Variants in MED25 observed in about 807,000 individuals in gnomAD.
MED25 encodes mediator of RNA polymerase II transcription subunit 25.
MED25 carries 62 observed loss-of-function variants against 89.4 expected under a neutral mutation model. The ratio of observed to expected loss-of-function variants is 0.69; its 90% CI spans 0.57 to 0.86. The LOEUF (loss-of-function observed/expected upper bound fraction) is 0.86, where lower values mean the gene tolerates loss of function less well. Ranked by LOEUF, MED25 falls within the 40% of genes least tolerant of loss-of-function variation. The pLI is 0.00. For synonymous variants in MED25, 449 were observed against 427.9 expected, an observed-to-expected ratio of 1.05 and a Z score of -0.61; for missense variants, 905 against 1,005.2, an observed-to-expected ratio of 0.90 and a Z score of 1.35.
In MED25 at chr19:49,818,741, G is replaced by T. The variant is rs1188846865; in HGVS notation, c.180+125G>T. 11 of 964,960 alleles carry T rather than the reference G, an allele frequency of 1.1e-5. No homozygotes were observed. In the Middle Eastern group the frequency reaches 1.2e-3, roughly 102 times the overall value. 59.8% of individuals were successfully genotyped at this position (964,960 alleles called of 1,614,324 possible). A position where few individuals can be genotyped will look rare whatever the true frequency, so the allele number is the denominator to read the frequency against. ...TGAGGGAGGAGGGGCTGGGGGTCTGGACTCCTTGTTCTGAGGGAGGAGGGC... is the reference window on the plus strand; with the variant it reads ...TGAGGGAGGAGGGGCTGGGGGTCTGTACTCCTTGTTCTGAGGGAGGAGGGC... On this transcript the variant is annotated intron_variant, in intron 2 of 17. Transcript: ENST00000312865.
chr19:49,839,629 G>C (rs961628545), downstream of MED25: 1 of 152,204 alleles, frequency 6.6e-6, no homozygotes, highest in African/African-American at 2.4e-5. Flanking sequence ...GGTTATGACC[G>C]TTCTGAACAC....
Position 49,835,911 on chromosome 19 carries a change from C to T in MED25, c.1931C>T (p.Pro644Leu). The T allele has an allele frequency of 1.2e-6, 2 of 1,612,922 alleles. No individual in the cohort carries two copies. The highest frequency in any genetic ancestry group is 4.5e-5 in the East Asian group (2 of 44,852). The change falls in exon 16 of 18, where the codon CCT becomes CTT. Residue 644 changes from proline to leucine, a missense_variant. Transcript: ENST00000312865. This position sits in a 1 kb window ranked among gnomAD's most constrained non-coding sequence, Gnocchi z 6.2. Reference sequence around the variant, plus strand: ...CGGCCCCAGAACCCTGGGGCCAACCCTCAGCTGCGAAGCCTCCTCCTCAAC... The same window carrying T: ...CGGCCCCAGAACCCTGGGGCCAACCTTCAGCTGCGAAGCCTCCTCCTCAAC... ...ILRPQNPGAN[P>L]QLRSLLLNPP...
rs765842852 is a variant in MED25 at position 49,830,268 on chromosome 19, C to T, written c.819+50C>T. The T allele has an allele frequency of 1.3e-6, 2 of 1,582,524 alleles. No individual in the cohort carries two copies. Among genetic ancestry groups the T allele is most frequent in the South Asian group, 1.1e-5 (1 of 90,080 alleles). On this transcript the variant is annotated intron_variant, in intron 7 of 17. Transcript: ENST00000312865. This position sits in a 1 kb window ranked among gnomAD's most constrained non-coding sequence, Gnocchi z 4.6. The stretch of plus-strand genomic sequence containing the variant: ...ATGCTTCTGGGGACTTGCTGGAGCC[C>T]TGGCCCCTGGGGAGAAATCTAGTTG...
At chr19:49,826,447 C>CA (rs1437018816) in intron 3 of MED25, among the ~76,000 whole-genome samples, 3 of 152,190 alleles carry the variant, frequency 2.0e-5, no homozygotes, top group Non-Finnish European at 4.4e-5. Flanking sequence ...CTCAGGGGCT[C>CA]AGTGTGCTCA....
Position 49,830,685 on chromosome 19 carries a change from C to T in MED25, c.908-9C>T. ...TGTTCCCCACTTCTTCCCTTGGTCT[C>T]TCCCACAGTCTCGCCCATCACCCCT... On this transcript the variant is annotated splice_polypyrimidine_tract_variant and intron_variant, in intron 8 of 17. Coordinates refer to ENST00000312865, the MANE Select transcript of MED25 (RefSeq NM_030973.4). The surrounding 1 kb of genome is among the most constrained non-coding windows in gnomAD (Gnocchi z 4.6). 1.9e-6 allele frequency: 3 copies of T among 1,613,974 alleles called. No individual in the cohort carries two copies. Among genetic ancestry groups the T allele is most frequent in the Non-Finnish European group, 2.5e-6 (3 of 1,179,862 alleles).
downstream of MED25, chr19:49,839,566 G>T (rs1209227463): frequency 2.0e-5 from 3 of 152,192 alleles, no homozygotes; most frequent in Non-Finnish European, 4.4e-5. Context: ...TTTAAATCAG[G>T]CAAAAGCCAC....
At position 49,829,093 on chromosome 19, in the gene MED25, G is replaced by A; in HGVS notation, c.525+3G>A. 3.7e-6 allele frequency: 6 copies of A among 1,613,302 alleles called. No homozygotes were observed. The highest frequency in any genetic ancestry group is 5.1e-6 in the Non-Finnish European group (6 of 1,179,606). On this transcript the variant is annotated splice_donor_region_variant and intron_variant, in intron 5 of 17. Coordinates refer to ENST00000312865, the MANE Select transcript of MED25 (RefSeq NM_030973.4). This position sits in a 1 kb window ranked among gnomAD's most constrained non-coding sequence, Gnocchi z 4.6. The stretch of plus-strand genomic sequence containing the variant: ...ATCTTGTGCAGCAGATTGGGGAGGT[G>A]AGGACTCCAGGGTCTGAGGGACGAG...
At chr19:49,821,816 CAAA>C (rs35798804) in intron 3 of MED25, among the ~76,000 whole-genome samples, 8 of 84,118 alleles carry the variant, frequency 9.5e-5, no homozygotes, top group Non-Finnish European at 1.9e-4. Flanking sequence ...AATTCTGTCT[CAAA>C]AAAAAAAAAA....
At position 49,830,930 on chromosome 19, in the gene MED25, T is replaced by C. The variant is rs2074052253; in HGVS notation, c.1101+43T>C. 3 of 1,549,594 alleles carry C rather than the reference T, an allele frequency of 1.9e-6. No individual in the cohort carries two copies. Among genetic ancestry groups the C allele is most frequent in the Non-Finnish European group, 2.6e-6 (3 of 1,135,308 alleles). ...TCCTGCCCCTGCTCCTTCCTCCTGC[T>C]GTCCACAGCTAGGACAGTTAGAGGA... On this transcript the variant is annotated intron_variant, in intron 9 of 17. Coordinates refer to ENST00000312865, the MANE Select transcript of MED25 (RefSeq NM_030973.4). The surrounding 1 kb of genome is among the most constrained non-coding windows in gnomAD (Gnocchi z 4.6).
At position 49,819,290 on chromosome 19, in the gene MED25, G is replaced by A. The variant is rs771614475; in HGVS notation, c.299G>A (p.Gly100Asp). 6 of 1,614,030 alleles carry A rather than the reference G, an allele frequency of 3.7e-6. No homozygotes were observed. Among genetic ancestry groups the A allele is most frequent in the East Asian group, 2.2e-5 (1 of 44,896 alleles). The change falls in exon 3 of 18, where the codon GGC becomes GAC. Residue 100 changes from glycine (G) to aspartate (D), a missense_variant. Around this residue, in one of 3 missense-constraint regions of MED25, gnomAD observed 501 missense variants for 526.9 expected, o/e 0.95. Transcript: ENST00000312865. ...TATGAGTTTGTCACCTGGCTCGATG[G>A]CATTAAGTGAGCTTTCCCCCACTTG... Reference protein sequence around the residue: ...SAYEFVTWLDGIKFMGGGGES... With the variant: ...SAYEFVTWLDDIKFMGGGGES...
chr19:49,818,912 G>A (rs1022822859), intron 2 of MED25: 1 of 568,502 alleles, frequency 1.8e-6, no homozygotes, highest in Non-Finnish European at 3.1e-6. Flanking sequence ...GAGAAAGGAG[G>A]AGCTGAGGCC....
In MED25 at chr19:49,835,989, C is replaced by T; in HGVS notation, c.1965+44C>T. 1 of 1,603,440 alleles carries T rather than the reference C, an allele frequency of 6.2e-7. No homozygotes were observed. The highest frequency in any genetic ancestry group is 8.5e-7 in the Non-Finnish European group (1 of 1,176,116). ...GTAGCGAGAGTTCCAGATCCTGGCC[C>T]TGGTGGTTCTGGTCCTGTTGTCTGG... On this transcript the variant is annotated intron_variant, in intron 16 of 17. Coordinates refer to ENST00000312865, the MANE Select transcript of MED25 (RefSeq NM_030973.4). The surrounding 1 kb of genome is among the most constrained non-coding windows in gnomAD (Gnocchi z 6.2).
chr19:49,827,107 A>G (rs1260239363), intron 3 of MED25, among the ~76,000 whole-genome samples: 1 of 152,148 alleles, frequency 6.6e-6, no homozygotes, highest in Non-Finnish European at 1.5e-5. Context: ...ACCACACTTC[A>G]GGGGGACAGG....
At chr19:49,824,271 T>G (rs2074001124) in intron 3 of MED25, among the ~76,000 whole-genome samples, 1 of 152,158 alleles carries the variant, frequency 6.6e-6, no homozygotes, top group African/African-American at 2.4e-5. Flanking sequence ...CTCCTCTGCC[T>G]CCATGACCTG....
rs1290096374 is a variant in MED25 at position 49,835,803 on chromosome 19, A to C, written c.1823A>C (p.Gln608Pro). 1.2e-6 allele frequency: 2 copies of C among 1,606,960 alleles called. No individual in the cohort carries two copies. Among genetic ancestry groups the C allele is most frequent in the African/African-American group, 2.7e-5 (2 of 74,608 alleles). Residue 608 changes from glutamine to proline, a missense_variant, in exon 16 of 18, where the codon CAA becomes CCA. Gln to Pro is a moderately conservative substitution (Grantham distance 76). Transcript: ENST00000312865. The surrounding 1 kb of genome is among the most constrained non-coding windows in gnomAD (Gnocchi z 6.2). ...GGGGCCACGGGGCAGCCCCAGCCCCAAGGTACTGCCCAGCCCCCGCCAGGT... is the reference window on the plus strand; with the variant it reads ...GGGGCCACGGGGCAGCCCCAGCCCCCAGGTACTGCCCAGCCCCCGCCAGGT... ...ASGATGQPQP[Q>P]GTAQPPPGAP...
At chr19:49,823,721 T>C (rs1460734415) in intron 3 of MED25, among the ~76,000 whole-genome samples, 2 of 152,114 alleles carry the variant, frequency 1.3e-5, no homozygotes, top group African/African-American at 4.8e-5. Flanking sequence ...GCAGGACATA[T>C]AGTGAAAAGG....
At chr19:49,839,803 C>G (rs1016631030), downstream of MED25, 1 of 152,194 alleles carries the variant, frequency 6.6e-6, no homozygotes, top group Non-Finnish European at 1.5e-5. Context: ...TATTCACCTA[C>G]GTCCTGGGGT....
intron 3 of MED25, among the ~76,000 whole-genome samples, chr19:49,826,209 C>T (rs1014112459): frequency 2.6e-5 from 4 of 152,138 alleles, no homozygotes; most frequent in Non-Finnish European, 5.9e-5. Context: ...GGCGTGGTGG[C>T]GGGCACCTGT....
chr19:49,823,951 A>G (rs567916586), intron 3 of MED25, among the ~76,000 whole-genome samples: 4 of 152,276 alleles, frequency 2.6e-5, no homozygotes, highest in African/African-American at 9.6e-5. Flanking sequence ...TCCAGGCATT[A>G]TAAAATATCC....
Sources: allele counts gnomAD v4.1 joint callset (sites outside exome capture counted in the v4.1 genomes callset), GRCh38; gene constraint gnomAD v4.1.1; regional missense constraint gnomAD v4.1.1; non-coding constraint Gnocchi (gnomAD v3.1); transcripts MANE v1.5; gene names NCBI Gene and HGNC (gene_info 2026-07-23, HGNC 2026-07-21).